Variants in PCDHGA10 observed in about 807,000 individuals in gnomAD.
PCDHGA10 encodes the protein protocadherin gamma subfamily A, 10, also known as protocadherin gamma-A10.
PCDHGA10 carries 42 observed loss-of-function variants against 59.5 expected under a neutral mutation model. That is an observed-to-expected ratio of 0.71 (90% CI 0.55 to 0.91). PCDHGA10 has a LOEUF of 0.91. PCDHGA10 is among the 40% of genes least tolerant of loss of function. PCDHGA10 has a pLI of 0.00. For synonymous variants in PCDHGA10, 511 were observed against 517.2 expected (o/e 0.99, Z 0.16); for missense variants, 1,111 against 1,198.2 (o/e 0.93, Z 1.07).
chr5:141,473,382 C>T (rs780229708), intron 1 of PCDHGA10, among the ~76,000 whole-genome samples: 3 of 152,190 alleles, frequency 2.0e-5, no homozygotes, highest in Non-Finnish European at 4.4e-5. Context: ...TGGTCCCTGC[C>T]CTCCTGGAGC....
intron 1 of PCDHGA10, among the ~76,000 whole-genome samples, chr5:141,447,463 C>T (rs1004772636): frequency 6.6e-6 from 1 of 152,142 alleles, no homozygotes; most frequent in African/African-American, 2.4e-5. Context: ...AGTTTTTCTT[C>T]ACCATCTGTA....
chr5:141,484,236 G>C (rs1272971014), intron 1 of PCDHGA10, among the ~76,000 whole-genome samples: 2 of 152,132 alleles, frequency 1.3e-5, no homozygotes, highest in Non-Finnish European at 2.9e-5. Context: ...AAGAGATCTG[G>C]TCCTTAGCAC....
chr5:141,468,847 C>T (rs2099182933), intron 1 of PCDHGA10, among the ~76,000 whole-genome samples: 1 of 151,986 alleles, frequency 6.6e-6, no homozygotes, highest in African/African-American at 2.4e-5. Flanking sequence ...GCCTGGGCAA[C>T]AGAGCGAGAC....
At chr5:141,453,201 C>A (rs115660512) in intron 1 of PCDHGA10, among the ~76,000 whole-genome samples, 1 of 152,206 alleles carries the variant, frequency 6.6e-6, no homozygotes, top group South Asian at 2.1e-4. Flanking sequence ...GCAGCCTCAA[C>A]CTCGTGCACT....
intron 1 of PCDHGA10, among the ~76,000 whole-genome samples, chr5:141,471,999 T>C (rs577046645): frequency 3.9e-5 from 6 of 152,230 alleles, no homozygotes; most frequent in Admixed American, 2.0e-4. Flanking sequence ...AATCCCTGCA[T>C]CGTATAGGGG....
chr5:141,418,869 T>A (rs1261615662), intron 1 of PCDHGA10: 1 of 1,613,830 alleles, frequency 6.2e-7, no homozygotes, highest in Non-Finnish European at 8.5e-7. Flanking sequence ...ATTGTAGAAG[T>A]TGTAGACGAA....
chr5:141,414,233 T>C lies in PCDHGA10; in HGVS notation c.1058T>C (p.Ile353Thr). The C allele has an allele frequency of 1.2e-6, 2 of 1,613,474 alleles. No homozygotes were observed. Among genetic ancestry groups the C allele is most frequent in the African/African-American group, 2.7e-5 (2 of 74,996 alleles). ...DVNDNSPELTITSLFSPVTED... is the reference protein window; with the variant it reads ...DVNDNSPELTTTSLFSPVTED... ...AATGACAACAGTCCAGAGCTGACCA[T>C]CACGTCTCTATTTAGTCCAGTGACT... is the stretch of plus-strand genomic sequence containing the variant. The change falls in exon 1 of 4, where the codon ATC (isoleucine) becomes ACC (threonine). Residue 353 changes from isoleucine (I) to threonine (T), a missense_variant. Coordinates refer to ENST00000398610, the MANE Select transcript of PCDHGA10 (RefSeq NM_018913.3).
Position 141,477,029 on chromosome 5 carries a change from A to T in PCDHGA10, c.2437-17778A>T, listed in dbSNP as rs754045855. ...CTTAGACCTTGTAACCGGGATGCTG[A>T]CAATCAAGGGTCGGCTGGACTTCGA... On this transcript the variant is annotated intron_variant, in intron 1 of 3. Transcript: ENST00000398610. This position sits in a 1 kb window ranked among gnomAD's most constrained non-coding sequence, Gnocchi z 4.9. 2 of 1,614,238 alleles carry T rather than the reference A, an allele frequency of 1.2e-6. No homozygotes were observed. The highest frequency in any genetic ancestry group is 3.3e-5 in the Admixed American group (2 of 60,028).
chr5:141,421,924 G>A, intron 1 of PCDHGA10: 1 of 1,613,564 alleles, frequency 6.2e-7, no homozygotes, highest in South Asian at 1.1e-5. Context: ...TCGTGTGGTG[G>A]TCCTCGATGT....
intron 2 of PCDHGA10, among the ~76,000 whole-genome samples, chr5:141,502,428 A>C (rs2099814217): frequency 6.6e-6 from 1 of 151,978 alleles, no homozygotes; most frequent in South Asian, 2.1e-4. Flanking sequence ...CTATTCTCTG[A>C]TGGTTAGATT....
intron 1 of PCDHGA10, chr5:141,442,490 T>C (rs2098328971): frequency 6.6e-6 from 1 of 152,222 alleles, no homozygotes; most frequent in South Asian, 2.1e-4. Flanking sequence ...AAGGGGATGA[T>C]TGTGATTATT....
intron 1 of PCDHGA10, chr5:141,415,857 T>G (rs1271614762): frequency 1.7e-6 from 2 of 1,194,900 alleles, no homozygotes; most frequent in Non-Finnish European, 2.2e-6. Flanking sequence ...AACCTTGTAG[T>G]TTATAGTGTT....
intron 1 of PCDHGA10, among the ~76,000 whole-genome samples, chr5:141,482,530 C>CAAAAAAAAAA (rs3074545): frequency 1.2e-3 from 90 of 76,428 alleles, no homozygotes; most frequent in African/African-American, 1.7e-3. Context: ...GACAGACATG[C>CAAAAAAAAAA]AAAAAAAAAA....
In PCDHGA10 at chr5:141,427,967, G is replaced by A. The variant is rs535332244; in HGVS notation, c.2436+12356G>A. On this transcript the variant is annotated intron_variant, in intron 1 of 3. Coordinates refer to ENST00000398610, the MANE Select transcript of PCDHGA10 (RefSeq NM_018913.3). The stretch of plus-strand genomic sequence containing the variant: ...TCAATGACAATGTGCCGCGGGTGCT[G>A]TACCCCGCGCTGGGGCCCGATGGCT... 10 of 1,591,190 alleles carry A rather than the reference G, an allele frequency of 6.3e-6. No individual in the cohort carries two copies. In the East Asian group the frequency reaches 8.9e-5, roughly 14 times the overall value.
chr5:141,480,217 G>A (rs1443825272), intron 1 of PCDHGA10, among the ~76,000 whole-genome samples: 2 of 147,950 alleles, frequency 1.4e-5, no homozygotes, highest in Non-Finnish European at 3.0e-5. Context: ...CAGCCTGAGC[G>A]ACATAGTGAG....
chr5:141,436,393 A>G (rs560164691), intron 1 of PCDHGA10, among the ~76,000 whole-genome samples: 2 of 152,342 alleles, frequency 1.3e-5, no homozygotes, highest in South Asian at 4.1e-4. Context: ...GCTTTATTAA[A>G]TAGTTGTTGA....
rs2095674818 is a variant in PCDHGA10 at position 141,413,757 on chromosome 5, G to C, written c.582G>C (p.Lys194Asn). ...TTCAGAGCCGTGCCAATGGCGTCAA[G>C]TACCCGGAGCTGGTACTGGAGCACT... The part of the protein sequence containing the change: ...LRVQSRANGV[K>N]YPELVLEHSL... The change falls in exon 1 of 4, where the codon AAG (lysine) becomes AAC (asparagine). Residue 194 changes from lysine to asparagine, a missense_variant. Lys to Asn is a moderately conservative substitution (Grantham distance 94). Transcript: ENST00000398610. 2 of 1,612,920 alleles carry C rather than the reference G, an allele frequency of 1.2e-6. No individual in the cohort carries two copies. Among genetic ancestry groups the C allele is most frequent in the African/African-American group, 2.7e-5 (2 of 74,806 alleles).
At chr5:141,425,447 A>G (rs549575207) in intron 1 of PCDHGA10, among the ~76,000 whole-genome samples, 5 of 152,318 alleles carry the variant, frequency 3.3e-5, no homozygotes, top group African/African-American at 1.2e-4. Flanking sequence ...AAAATAAAAC[A>G]CCATCACATT....
chr5:141,427,905 A>G (rs754321006), intron 1 of PCDHGA10: 1 of 1,574,682 alleles, frequency 6.4e-7, no homozygotes, highest in South Asian at 1.1e-5. Context: ...GCCCGCGCTC[A>G]GCGCCAACAT....
Sources: gnomAD v4.1 joint callset for allele counts (sites outside exome capture counted in the v4.1 genomes callset) on GRCh38, gnomAD v4.1.1 for gene constraint, Gnocchi (gnomAD v3.1) non-coding constraint, MANE v1.5 for transcripts, NCBI Gene and HGNC (gene_info 2026-07-23, HGNC 2026-07-21) for gene names.